The following DNAJC10 variants were observed in gnomAD, a reference collection of about 807,000 sequenced individuals.
DNAJC10 encodes endoplasmic reticulum disulfide reductase DNAJC10.
In DNAJC10, 101 loss-of-function variants were observed where a neutral mutation model predicts 115.0. The ratio of observed to expected loss-of-function variants is 0.88; its 90% confidence interval spans 0.75 to 1.04. The LOEUF (loss-of-function observed/expected upper bound fraction) is 1.04, where lower values mean the gene tolerates loss of function less well. DNAJC10 is among the 50% of genes least tolerant of loss of function. The pLI is 0.00. For missense variants in DNAJC10, 981 were observed against 928.8 expected, an observed-to-expected ratio of 1.06 and a Z score of -0.73; for synonymous variants, 307 against 301.5, an observed-to-expected ratio of 1.02 and a Z score of -0.19.
Position 182,740,338 on chromosome 2 carries a change from G to A in DNAJC10, c.1027G>A (p.Val343Ile), listed in dbSNP as rs1490319776. ...SLDAKEIYLE[V>I]IHNLPDFELL... ...GGATGCTAAAGAAATATATTTGGAA[G>A]TAATACATAATCTTCCAGATTTTGA... The change falls in exon 12 of 24, where the codon GTA becomes ATA. Residue 343 changes from valine (V) to isoleucine (I), a missense_variant. Coordinates refer to ENST00000264065, the MANE Select transcript of DNAJC10 (RefSeq NM_018981.4). 3.2e-6 allele frequency: 5 copies of A among 1,553,492 alleles called. No individual in the cohort carries two copies. In the East Asian group the frequency reaches 1.2e-4, roughly 37 times the overall value.
intron 16 of DNAJC10, chr2:182,752,458 A>G (rs1694047654): frequency 2.6e-6 from 1 of 390,870 alleles, no homozygotes; most frequent in Admixed American, 5.6e-5. Context: ...AAATGCTTAT[A>G]TGATTTTCCA....
At chr2:182,725,788 A>G (rs181205109) in intron 5 of DNAJC10, among the ~76,000 whole-genome samples, 2 of 152,202 alleles carry the variant, frequency 1.3e-5, no homozygotes, top group Non-Finnish European at 2.9e-5. Context: ...AGATCTAGCT[A>G]AGATCATTGA....
intron 1 of DNAJC10, among the ~76,000 whole-genome samples, chr2:182,716,688 TAC>T (rs970263774): frequency 1.3e-5 from 2 of 152,206 alleles, no homozygotes; most frequent in Non-Finnish European, 2.9e-5. Flanking sequence ...CTCAGTTACT[TAC>T]ACTTTCTCCC....
At chr2:182,760,560 A>G (rs972126072) in intron 21 of DNAJC10, among the ~76,000 whole-genome samples, 2 of 152,186 alleles carry the variant, frequency 1.3e-5, no homozygotes, top group African/African-American at 4.8e-5. Context: ...GTAAATGCTT[A>G]TATAAAATTA....
rs1434052243 is a variant in DNAJC10, at chr2:182,788,784, G to T, written c.*11652G>T. 1 of 452,886 alleles carries T rather than the reference G, an allele frequency of 2.2e-6. No individual in the cohort carries two copies. Among genetic ancestry groups the T allele is most frequent in the Non-Finnish European group, 4.4e-6 (1 of 225,980 alleles). The allele number at this position is 452,886 out of a possible 1,614,324, so 28.1% of individuals were successfully genotyped here. A position where few individuals can be genotyped will look rare whatever the true frequency, so the allele number is the denominator to read the frequency against. ...GACTATTCAGAAGTTTTCTAAAATG[G>T]ACTTCAAGCTCTATGACTTTATGAT... On this transcript the variant is annotated 3_prime_UTR_variant, in exon 24 of 24. Coordinates refer to ENST00000264065, the MANE Select transcript of DNAJC10 (RefSeq NM_018981.4).
rs1370100452 is a variant in DNAJC10, at chr2:182,781,043, G to A, written c.*3911G>A. On this transcript the variant is annotated 3_prime_UTR_variant, in exon 24 of 24. Transcript: ENST00000264065. ...GCAGGTTTGTTACATAGGTATACAT[G>A]TGCCATGGTGGTTTGCTGCACCCAT... The A allele has an allele frequency of 1.3e-5, 2 of 151,698 alleles. No individual in the cohort carries two copies. Among genetic ancestry groups the A allele is most frequent in the Admixed American group, 1.3e-4 (2 of 15,222 alleles). 9.4% of individuals were successfully genotyped at this position (151,698 alleles called of 1,614,324 possible). A position where few individuals can be genotyped will look rare whatever the true frequency, so the allele number is the denominator to read the frequency against.
chr2:182,723,804 A>G (rs945072315), intron 5 of DNAJC10, among the ~76,000 whole-genome samples: 3 of 152,220 alleles, frequency 2.0e-5, no homozygotes, highest in African/African-American at 4.8e-5. Context: ...GTCACTATGC[A>G]GAAAAGCTTA....
At chr2:182,733,790 T>TAGATAGAG (rs1559003290) in intron 10 of DNAJC10, among the ~76,000 whole-genome samples, 1 of 141,606 alleles carries the variant, frequency 7.1e-6, no homozygotes, top group Non-Finnish European at 1.6e-5. Context: ...CTCAGATAGA[T>TAGATAGAG]AGATAGATAG....
rs1242017835 is a variant in DNAJC10 at position 182,777,683 on chromosome 2, A to G, written c.*551A>G. ...CTAAAAATGCTATCCCTAACCATATATTTATATTTCGTTTTAAAAACACCC... is the reference window on the plus strand; with the variant it reads ...CTAAAAATGCTATCCCTAACCATATGTTTATATTTCGTTTTAAAAACACCC... On this transcript the variant is annotated 3_prime_UTR_variant, in exon 24 of 24. Coordinates refer to ENST00000264065, the MANE Select transcript of DNAJC10 (RefSeq NM_018981.4). The G allele has an allele frequency of 3.9e-5, 6 of 152,148 alleles. No individual in the cohort carries two copies. Among genetic ancestry groups the G allele is most frequent in the African/African-American group, 1.4e-4 (6 of 41,440 alleles). 9.4% of individuals were successfully genotyped at this position (152,148 alleles called of 1,614,324 possible).
Position 182,786,031 on chromosome 2 carries a change from A to G in DNAJC10, c.*8899A>G, listed in dbSNP as rs1694939997. 1.3e-5 allele frequency: 2 copies of G among 152,214 alleles called. No individual in the cohort carries two copies. The allele number at this position is 152,214 out of a possible 1,614,324, so 9.4% of individuals were successfully genotyped here. ...GGGTAGTTGTTAAATGGATGGCTGT[A>G]TCATAAGTATTGAAGCTGATAAGGG... is the stretch of plus-strand genomic sequence containing the variant. On this transcript the variant is annotated 3_prime_UTR_variant, in exon 24 of 24. Transcript: ENST00000264065.
chr2:182,733,825 A>ATAGATAGG (rs1553488430), intron 10 of DNAJC10, among the ~76,000 whole-genome samples: 25 of 150,254 alleles, frequency 1.7e-4, no homozygotes, highest in African/African-American at 5.9e-4. Flanking sequence ...AGATAGATAG[A>ATAGATAGG]TAGATTTTCT....
chr2:182,751,533 CCT>C lies in DNAJC10; in HGVS notation c.1307-123_1307-122del, dbSNP rs541335313. On this transcript the variant is annotated intron_variant, in intron 14 of 23. Transcript: ENST00000264065. ...CTGTATAGTATACAGCACACTAAAA[CCT>C]CACCAAAATCAATTTGTTCATAATT... is the stretch of plus-strand genomic sequence containing the variant. 104 of 1,142,986 alleles carry C rather than the reference CCT, an allele frequency of 9.1e-5. 2 individuals are homozygous for C. The South Asian group carries it at 1.5e-3, about 17-fold the overall frequency. The allele number at this position is 1,142,986 out of a possible 1,614,324, so 70.8% of individuals were successfully genotyped here.
In DNAJC10 at chr2:182,731,045, C is replaced by G. The variant is rs1257278476; in HGVS notation, c.743C>G (p.Ser248Cys). 2 of 1,612,522 alleles carry G rather than the reference C, an allele frequency of 1.2e-6. No homozygotes were observed. The highest frequency in any genetic ancestry group is 1.7e-5 in the Admixed American group (1 of 59,846). Residue 248 changes from serine (S) to cysteine (C), a missense_variant, in exon 9 of 24, where the codon TCC becomes TGC. Coordinates refer to ENST00000264065, the MANE Select transcript of DNAJC10 (RefSeq NM_018981.4). ...TATTTTTAAGGAAATTTTGTCAACT[C>G]CATACAAACTGCTTTTGCTGCTGGT... is the stretch of plus-strand genomic sequence containing the variant. Reference protein sequence around the residue: ...TELWTGNFVNSIQTAFAAGIG... With the variant: ...TELWTGNFVNCIQTAFAAGIG...
intron 5 of DNAJC10, among the ~76,000 whole-genome samples, chr2:182,725,195 T>C (rs1027769289): frequency 2.0e-5 from 3 of 152,196 alleles, no homozygotes; most frequent in Non-Finnish European, 4.4e-5. Flanking sequence ...TTTGTGTCTA[T>C]TCTGACTGCT....
rs911120638 is a variant in DNAJC10 at position 182,778,793 on chromosome 2, C to T, written c.*1661C>T. 2.6e-5 allele frequency: 4 copies of T among 152,166 alleles called. No individual in the cohort carries two copies. Among genetic ancestry groups the T allele is most frequent in the South Asian group, 2.1e-4 (1 of 4,832 alleles). 9.4% of individuals were successfully genotyped at this position (152,166 alleles called of 1,614,324 possible). A position where few individuals can be genotyped will look rare whatever the true frequency, so the allele number is the denominator to read the frequency against. On this transcript the variant is annotated 3_prime_UTR_variant, in exon 24 of 24. Transcript: ENST00000264065. ...AGTAATGGCAAGAGCCTTTCATTCT[C>T]GAATGTTTAAAGCCTAGGAGTTCTA...
chr2:182,761,244 G>T (rs924551671), intron 21 of DNAJC10, among the ~76,000 whole-genome samples: 1 of 152,154 alleles, frequency 6.6e-6, no homozygotes, highest in Admixed American at 6.6e-5. Context: ...TGTCAGTGAT[G>T]CCAGAGAAGG....
intron 22 of DNAJC10, among the ~76,000 whole-genome samples, chr2:182,771,551 C>A (rs1210166087): frequency 1.3e-5 from 2 of 152,150 alleles, no homozygotes; most frequent in East Asian, 3.8e-4. Flanking sequence ...CTGGTTTAGT[C>A]TTGGGAGGGT....
chr2:182,790,851 CCTTA>C lies in DNAJC10; in HGVS notation c.*13724_*13727del, dbSNP rs1486404318. The C allele has an allele frequency of 5.9e-5, 9 of 151,530 alleles. No individual in the cohort carries two copies. Among genetic ancestry groups the C allele is most frequent in the African/African-American group, 1.9e-4 (8 of 41,262 alleles). 9.4% of individuals were successfully genotyped at this position (151,530 alleles called of 1,614,324 possible). A position where few individuals can be genotyped will look rare whatever the true frequency, so the allele number is the denominator to read the frequency against. ...GCCTTCTAACACTAAAATCAAATAA[CCTTA>C]CTTATCAGTTACATTGCCTACTAAG... On this transcript the variant is annotated 3_prime_UTR_variant, in exon 24 of 24. Coordinates refer to ENST00000264065, the MANE Select transcript of DNAJC10 (RefSeq NM_018981.4).
At chr2:182,754,168 CAT>C (rs1467373863) in intron 16 of DNAJC10, among the ~76,000 whole-genome samples, 1 of 152,176 alleles carries the variant, frequency 6.6e-6, no homozygotes, top group Non-Finnish European at 1.5e-5. Flanking sequence ...ATGCTCAACA[CAT>C]AGTTAAATTT....
Sources: allele counts gnomAD v4.1 joint callset (sites outside exome capture counted in the v4.1 genomes callset), GRCh38; gene constraint gnomAD v4.1.1; transcripts MANE v1.5; gene names NCBI Gene and HGNC (gene_info 2026-07-23, HGNC 2026-07-21).